Variants in RIMS2 observed in about 807,000 individuals in gnomAD.
RIMS2 encodes regulating synaptic membrane exocytosis protein 2.
Under a neutral mutation model 174.4 loss-of-function variants are expected in RIMS2, and 59 were observed. The ratio of observed to expected loss-of-function variants is 0.34; its 90% CI spans 0.27 to 0.42. The LOEUF (loss-of-function observed/expected upper bound fraction) is 0.42, where lower values mean the gene tolerates loss of function less well. RIMS2 is among the 10% of genes least tolerant of loss of function. The probability of loss-of-function intolerance (pLI) is 1.00; values close to 1 mark genes in which losing one functional copy is unlikely to be tolerated. For missense variants in RIMS2, 1,620 were observed against 1,666.3 expected, an observed-to-expected ratio of 0.97 and a Z score of 0.48; for synonymous variants, 606 against 572.5, an observed-to-expected ratio of 1.06 and a Z score of -0.84.
intron 1 of RIMS2, among the ~76,000 whole-genome samples, chr8:103,575,640 T>C (rs1361197560): frequency 6.8e-6 from 1 of 147,160 alleles, no homozygotes; most frequent in Non-Finnish European, 1.5e-5. Context: ...ATTTATGTTT[T>C]ATATATAATT....
chr8:103,902,341 C>G (rs2073326836), intron 4 of RIMS2, among the ~76,000 whole-genome samples: 1 of 152,112 alleles, frequency 6.6e-6, no homozygotes, highest in Non-Finnish European at 1.5e-5. Context: ...TTAACAGTGT[C>G]ATGGGAGTAA....
chr8:104,225,156 C>A (rs780640009), intron 19 of RIMS2, among the ~76,000 whole-genome samples: 2 of 152,252 alleles, frequency 1.3e-5, no homozygotes, highest in South Asian at 4.2e-4. Flanking sequence ...CTACACTTGA[C>A]GTGTATTCTT....
intron 3 of RIMS2, among the ~76,000 whole-genome samples, chr8:103,779,047 T>C (rs766437218): frequency 6.6e-6 from 1 of 152,228 alleles, no homozygotes; most frequent in Non-Finnish European, 1.5e-5. Context: ...TATGTTTTCC[T>C]CTGAGAAATG....
At chr8:103,640,893 C>T (rs1024324656) in intron 1 of RIMS2, among the ~76,000 whole-genome samples, 6 of 152,052 alleles carry the variant, frequency 3.9e-5, no homozygotes, top group Admixed American at 3.9e-4. Flanking sequence ...TTCATTTCAA[C>T]TACATCTTCA....
chr8:103,997,074 T>C (rs1415984568), intron 17 of RIMS2, among the ~76,000 whole-genome samples: 1 of 151,064 alleles, frequency 6.6e-6, no homozygotes, highest in African/African-American at 2.4e-5. Context: ...GCTTCGAGAG[T>C]GTGGTAGAAG....
intron 19 of RIMS2, chr8:104,094,420 TGAC>T: frequency 1.7e-6 from 1 of 582,978 alleles, no homozygotes; most frequent in Non-Finnish European, 3.0e-6. Flanking sequence ...TGTTTTTTCT[TGAC>T]TTTCTTTTTT....
chr8:103,556,443 T>A (rs934793595), intron 1 of RIMS2, among the ~76,000 whole-genome samples: 3 of 152,216 alleles, frequency 2.0e-5, no homozygotes, highest in Non-Finnish European at 4.4e-5. Context: ...TATCTCATCT[T>A]ATACTTTCAG....
rs887978309 is a variant in RIMS2, at chr8:103,630,596, A to G, written c.177-66490A>G. Among the ~76,000 whole-genome samples, 8 of 148,324 alleles carry G rather than the reference A, an allele frequency of 5.4e-5. 1 individual carries two copies. Among genetic ancestry groups the G allele is most frequent in the African/African-American group, 1.2e-4 (5 of 41,082 alleles). On this transcript the variant is annotated intron_variant, in intron 1 of 23. Transcript: ENST00000504942. ...ACTCCATCTCAAAAAAAAAAAAAAAAAAAAAGAAACAAAGATGTCTACATG... is the reference window on the plus strand; with the variant it reads ...ACTCCATCTCAAAAAAAAAAAAAAAGAAAAAGAAACAAAGATGTCTACATG...
At chr8:104,049,155 G>A (rs918787425) in intron 19 of RIMS2, among the ~76,000 whole-genome samples, 22 of 150,486 alleles carry the variant, frequency 1.5e-4, no homozygotes, top group Non-Finnish European at 2.8e-4. Context: ...CCGGGCGGTG[G>A]CTCACGCCTG....
intron 14 of RIMS2, among the ~76,000 whole-genome samples, chr8:103,951,908 T>A (rs2085482278): frequency 6.6e-6 from 1 of 152,178 alleles, no homozygotes; most frequent in Non-Finnish European, 1.5e-5. Context: ...ACGCTTGAGC[T>A]TGGTGTGGGG....
chr8:103,724,870 T>C (rs1401397131), intron 2 of RIMS2, among the ~76,000 whole-genome samples: 1 of 152,198 alleles, frequency 6.6e-6, no homozygotes, highest in Non-Finnish European at 1.5e-5. Context: ...CCACATAGTT[T>C]AATGACTGTG....
chr8:104,196,210 A>G (rs2099023543), intron 19 of RIMS2, among the ~76,000 whole-genome samples: 1 of 152,124 alleles, frequency 6.6e-6, no homozygotes, highest in Non-Finnish European at 1.5e-5. Context: ...TCTTATAATG[A>G]ATTTATTCAA....
intron 3 of RIMS2, among the ~76,000 whole-genome samples, chr8:103,835,338 T>A (rs1461063133): frequency 6.6e-6 from 1 of 150,488 alleles, no homozygotes; most frequent in African/African-American, 2.4e-5. Context: ...CCTGACCTTG[T>A]GATCTGCCTG....
intron 1 of RIMS2, among the ~76,000 whole-genome samples, chr8:103,694,013 G>T (rs2097065920): frequency 6.6e-6 from 1 of 152,058 alleles, no homozygotes; most frequent in South Asian, 2.1e-4. Flanking sequence ...AGTCTTTTAG[G>T]GTGGAACTTG....
intron 14 of RIMS2, among the ~76,000 whole-genome samples, chr8:103,945,904 C>T (rs1018270880): frequency 2.6e-5 from 4 of 152,008 alleles, no homozygotes; most frequent in African/African-American, 9.7e-5. Flanking sequence ...AAATGCTTTC[C>T]CTCTAATATT....
chr8:103,812,644 A>G (rs1460197557), intron 3 of RIMS2, among the ~76,000 whole-genome samples: 1 of 152,058 alleles, frequency 6.6e-6, no homozygotes, highest in Non-Finnish European at 1.5e-5. Flanking sequence ...GGCCTCCCAA[A>G]GTGTTGTGAT....
chr8:103,961,602 T>C (rs1406595675), intron 15 of RIMS2, among the ~76,000 whole-genome samples: 3 of 152,160 alleles, frequency 2.0e-5, no homozygotes, highest in Non-Finnish European at 4.4e-5. Context: ...TTTAAAATAT[T>C]TGCCTCATTT....
chr8:103,629,654 A>G (rs891788481), intron 1 of RIMS2, among the ~76,000 whole-genome samples: 4 of 152,212 alleles, frequency 2.6e-5, no homozygotes, highest in Non-Finnish European at 2.9e-5. Flanking sequence ...TACAATTAAC[A>G]TATGCCAACA....
chr8:103,562,036 T>C (rs2091670271), intron 1 of RIMS2, among the ~76,000 whole-genome samples: 1 of 152,206 alleles, frequency 6.6e-6, no homozygotes, highest in Non-Finnish European at 1.5e-5. Flanking sequence ...GCCCCCATTA[T>C]TCAGTTACCT....
Sources: gnomAD v4.1 joint callset for allele counts (sites outside exome capture counted in the v4.1 genomes callset) on GRCh38, gnomAD v4.1.1 for gene constraint, MANE v1.5 for transcripts, NCBI Gene and HGNC (gene_info 2026-07-23, HGNC 2026-07-21) for gene names.